C10orf90: variants seen among roughly 807,000 people sequenced by gnomAD.
C10orf90 encodes (E2-independent) E3 ubiquitin-conjugating enzyme FATS.
C10orf90 carries 56 observed loss-of-function variants against 62.5 expected under a neutral mutation model. The observed-to-expected ratio is 0.90, with a 90% CI of 0.72 to 1.12. The LOEUF (loss-of-function observed/expected upper bound fraction) is 1.12, where lower values mean the gene tolerates loss of function less well. Ranked by LOEUF, C10orf90 falls within the 50% of genes most tolerant of loss-of-function variation. The pLI is 0.00. For missense variants in C10orf90, 970 were observed against 880.4 expected (o/e 1.10, Z -1.29); for synonymous variants, 386 against 340.4 (o/e 1.13, Z -1.47).
chr10:126,618,934 C>T (rs1845593236), intron 2 of C10orf90, among the ~76,000 whole-genome samples: 1 of 152,102 alleles, frequency 6.6e-6, no homozygotes, highest in Non-Finnish European at 1.5e-5. Context: ...CCTAAATGCC[C>T]ATGAGCGGTA....
rs368099938 is a variant in C10orf90 at position 126,610,607 on chromosome 10, G to A, written c.313+35958C>T. Among the ~76,000 whole-genome samples the A allele has an allele frequency of 1.3e-3, 199 of 152,260 alleles. 1 individual carries two copies. In the Middle Eastern group the frequency reaches 0.034, roughly 26 times the overall value. On this transcript the variant is annotated intron_variant, in intron 2 of 9. Coordinates refer to ENST00000488181, the MANE Select transcript of C10orf90 (RefSeq NM_001350921.2). ...ATTCTCCAGGATTGGGAAGGATTCT[G>A]GGCACACAGTAGGCATTTATTAAAT...
intron 2 of C10orf90, among the ~76,000 whole-genome samples, chr10:126,633,420 T>G (rs1247464973): frequency 6.6e-6 from 1 of 152,248 alleles, no homozygotes; most frequent in Non-Finnish European, 1.5e-5. Flanking sequence ...CCCAATGGGA[T>G]GGCCTGATGA....
At chr10:126,565,523 A>T in intron 2 of C10orf90, among the ~76,000 whole-genome samples, 1 of 143,498 alleles carries the variant, frequency 7.0e-6, no homozygotes, top group Admixed American at 7.6e-5. Context: ...TAGAACACCG[A>T]GCTCTGCTTT....
intron 8 of C10orf90, 52 bp downstream of exon 8, chr10:126,429,735 C>T (rs1219366822): frequency 6.5e-7 from 1 of 1,536,202 alleles, no homozygotes; most frequent in Non-Finnish European, 9.0e-7. Context: ...AGCCATCAAA[C>T]CACCCTACTC....
At chr10:126,555,666 G>A (rs906981871) in intron 2 of C10orf90, among the ~76,000 whole-genome samples, 1 of 141,402 alleles carries the variant, frequency 7.1e-6, no homozygotes, top group Non-Finnish European at 1.5e-5. Flanking sequence ...GCAACAGAGG[G>A]AGACTCTATC....
intron 2 of C10orf90, among the ~76,000 whole-genome samples, chr10:126,532,644 T>C (rs1864124370): frequency 1.3e-5 from 2 of 151,416 alleles, no homozygotes; most frequent in African/African-American, 4.8e-5. Flanking sequence ...GAGACCATCC[T>C]GGCTAACACG....
chr10:126,653,338 C>T (rs922186816), intron 1 of C10orf90, among the ~76,000 whole-genome samples: 6 of 152,206 alleles, frequency 3.9e-5, no homozygotes, highest in African/African-American at 1.4e-4. Context: ...CCCCTCAAAC[C>T]TCACCACTGC....
intron 1 of C10orf90, among the ~76,000 whole-genome samples, chr10:126,669,126 G>A (rs1237517923): frequency 1.3e-5 from 2 of 152,202 alleles, no homozygotes; most frequent in Non-Finnish European, 2.9e-5. Context: ...TGTGAATAAT[G>A]ACATCTCTGA....
intron 5 of C10orf90, among the ~76,000 whole-genome samples, chr10:126,463,720 G>A (rs1414797286): frequency 6.6e-6 from 1 of 152,184 alleles, no homozygotes; most frequent in Non-Finnish European, 1.5e-5. Flanking sequence ...CACTTCCTTG[G>A]CAAAGATGCC....
intron 2 of C10orf90, among the ~76,000 whole-genome samples, chr10:126,639,301 C>A (rs1435019563): frequency 6.6e-6 from 1 of 152,156 alleles, no homozygotes; most frequent in African/African-American, 2.4e-5. Context: ...GTCTCCATGG[C>A]GCATGATGTG....
chr10:126,464,956 T>A lies in C10orf90; in HGVS notation c.1565A>T (p.Lys522Met), dbSNP rs1330878920. 8.1e-6 allele frequency: 13 copies of A among 1,595,256 alleles called. No individual in the cohort carries two copies. The highest frequency in any genetic ancestry group is 1.3e-5 in the African/African-American group (1 of 74,524). Residue 522 changes from lysine to methionine, a missense_variant, in exon 5 of 10, where the codon AAG (lysine) becomes ATG (methionine). Transcript: ENST00000488181. The part of the protein sequence containing the change: ...VHTKVFSGSS[K>M]RQQGEVCMTV... ...CATACATACTTCTCCTTGTTGCCTC[T>A]TGCTGCTTCCAGAAAATACTTTTGT... is the stretch of plus-strand genomic sequence containing the variant.
intron 2 of C10orf90, among the ~76,000 whole-genome samples, chr10:126,639,302 GCA>G (rs1156726557): frequency 6.6e-6 from 1 of 152,172 alleles, no homozygotes; most frequent in African/African-American, 2.4e-5. Context: ...TCTCCATGGC[GCA>G]TGATGTGCGG....
chr10:126,649,066 CTCT>C (rs1265565087), intron 1 of C10orf90, among the ~76,000 whole-genome samples: 10 of 48,726 alleles, frequency 2.1e-4, no homozygotes, highest in African/African-American at 2.3e-4. Flanking sequence ...CTCTCTCTCT[CTCT>C]CTCCCCCCCC....
At chr10:126,470,324 T>A (rs1860514138) in intron 4 of C10orf90, among the ~76,000 whole-genome samples, 1 of 152,234 alleles carries the variant, frequency 6.6e-6, no homozygotes. Flanking sequence ...TTCAAGCAAG[T>A]GTTGTTTGCT....
intron 2 of C10orf90, among the ~76,000 whole-genome samples, chr10:126,515,194 T>C (rs1011255929): frequency 2.0e-5 from 3 of 152,244 alleles, no homozygotes; most frequent in African/African-American, 4.8e-5. Context: ...TCTTATCACC[T>C]ACTGACGCTG....
At chr10:126,631,955 G>A (rs867709293) in intron 2 of C10orf90, among the ~76,000 whole-genome samples, 4 of 152,194 alleles carry the variant, frequency 2.6e-5, no homozygotes, top group Middle Eastern at 3.4e-3. Flanking sequence ...CTGTCCTCAC[G>A]TGTGTAGCCG....
intron 2 of C10orf90, among the ~76,000 whole-genome samples, chr10:126,553,257 C>T (rs1445090830): frequency 2.6e-5 from 4 of 152,020 alleles, no homozygotes; most frequent in African/African-American, 4.8e-5. Context: ...ATTTACAATA[C>T]GTATATCTTA....
At chr10:126,497,798 C>T (rs1862149478) in intron 4 of C10orf90, among the ~76,000 whole-genome samples, 1 of 152,204 alleles carries the variant, frequency 6.6e-6, no homozygotes, top group South Asian at 2.1e-4. Flanking sequence ...CAGAACAATG[C>T]ATAACTAAAT....
Position 126,429,782 on chromosome 10 carries a change from A to C in C10orf90, c.2252+5T>G, listed in dbSNP as rs1385824079. ...TTCTTTGCACACCATACAATAACCA[A>C]GTACCTCTTAGATCGCATATGCATC... On this transcript the variant is annotated splice_donor_5th_base_variant and intron_variant, in intron 8 of 9. Transcript: ENST00000488181. 1.2e-6 allele frequency: 2 copies of C among 1,613,698 alleles called. No homozygotes were observed. The highest frequency in any genetic ancestry group is 2.7e-5 in the African/African-American group (2 of 74,898).
Sources: gnomAD v4.1 joint callset for allele counts (sites outside exome capture counted in the v4.1 genomes callset) on GRCh38, gnomAD v4.1.1 for gene constraint, MANE v1.5 for transcripts, NCBI Gene and HGNC (gene_info 2026-07-23, HGNC 2026-07-21) for gene names.